Variants in ANAPC1 observed in about 807,000 individuals in gnomAD.
ANAPC1 encodes anaphase-promoting complex subunit 1.
A neutral mutation model predicts 208.0 loss-of-function variants in ANAPC1; 36 were observed. That is an observed-to-expected ratio of 0.17 (90% CI 0.13 to 0.23). The LOEUF is 0.23. Among genes scored for constraint, ANAPC1 ranks in the 10% least tolerant of loss-of-function variants. The probability of loss-of-function intolerance (pLI) is 1.00; values close to 1 mark genes in which losing one functional copy is unlikely to be tolerated. For synonymous variants in ANAPC1, 378 were observed against 695.2 expected (o/e 0.54, Z 7.18); for missense variants, 942 against 2,011.6 (o/e 0.47, Z 10.17).
chr2:111,867,488 C>T (rs1236833282), intron 7 of ANAPC1, among the ~76,000 whole-genome samples: 5 of 151,792 alleles, frequency 3.3e-5, no homozygotes, highest in African/African-American at 1.2e-4. Flanking sequence ...GTCAGGAGTT[C>T]GATACCAGCC....
chr2:111,863,022 TAA>T lies in ANAPC1; in HGVS notation c.1053-426_1053-425del, dbSNP rs11336673. On this transcript the variant is annotated intron_variant, in intron 9 of 47. Transcript: ENST00000341068. ...ATACATTTACATATCAAATAACAAG[TAA>T]AAAAAAAAGAAAAACTAACATAAAT... is the stretch of plus-strand genomic sequence containing the variant. Among the ~76,000 whole-genome samples the T allele has an allele frequency of 2.7e-5, 4 of 149,086 alleles. 1 individual carries two copies. Among genetic ancestry groups the T allele is most frequent in the African/African-American group, 9.9e-5 (4 of 40,250 alleles).
chr2:111,858,906 T>A (rs1017876261), intron 10 of ANAPC1, among the ~76,000 whole-genome samples: 59 of 152,322 alleles, frequency 3.9e-4, no homozygotes, highest in Admixed American at 1.7e-3. Flanking sequence ...AGTTCTTTGA[T>A]TATGAGCTCG....
At chr2:111,823,592 C>T (rs1279743055) in intron 24 of ANAPC1, among the ~76,000 whole-genome samples, 3 of 152,056 alleles carry the variant, frequency 2.0e-5, no homozygotes, top group African/African-American at 7.2e-5. Context: ...ACAAAGTAAT[C>T]TCTATATCAG....
intron 34 of ANAPC1, among the ~76,000 whole-genome samples, chr2:111,799,278 A>G (rs1384670309): frequency 1.3e-5 from 2 of 151,878 alleles, no homozygotes; most frequent in Non-Finnish European, 2.9e-5. Flanking sequence ...CAGCAGCACT[A>G]AAACTTAAAA....
At chr2:111,856,476 T>A in intron 13 of ANAPC1, 138 bp downstream of exon 13, 1 of 860,428 alleles carries the variant, frequency 1.2e-6, no homozygotes, top group South Asian at 1.8e-5. Context: ...CACTGAGAAT[T>A]ATTAACAAAA....
At chr2:111,775,010 G>C (rs1183691604) in intron 46 of ANAPC1, among the ~76,000 whole-genome samples, 1 of 152,204 alleles carries the variant, frequency 6.6e-6, no homozygotes, top group Non-Finnish European at 1.5e-5. Context: ...GCTCATGCCT[G>C]TAATCCCAGC....
intron 5 of ANAPC1, chr2:111,872,919 C>T (rs1359159037): frequency 7.2e-6 from 4 of 554,580 alleles, no homozygotes; most frequent in Non-Finnish European, 1.3e-5. Context: ...AGGAGTTGTT[C>T]AATGTGAAAT....
intron 9 of ANAPC1, among the ~76,000 whole-genome samples, chr2:111,863,023 A>G (rs1573489961): frequency 3.6e-5 from 1 of 27,968 alleles, no homozygotes; most frequent in South Asian, 2.1e-3. Context: ...AATAACAAGT[A>G]AAAAAAAAAG....
At chr2:111,876,791 T>C (rs1213986506) in intron 3 of ANAPC1, among the ~76,000 whole-genome samples, 1 of 152,202 alleles carries the variant, frequency 6.6e-6, no homozygotes, top group Non-Finnish European at 1.5e-5. Flanking sequence ...GAGGAAGCAG[T>C]ATCCAGATAC....
chr2:111,851,903 G>A (rs889179719), intron 13 of ANAPC1, among the ~76,000 whole-genome samples: 4 of 152,026 alleles, frequency 2.6e-5, no homozygotes, highest in East Asian at 1.9e-4. Flanking sequence ...ATTCACATCT[G>A]TACAAGCTGA....
chr2:111,818,938 C>T lies in ANAPC1; in HGVS notation c.3227G>A (p.Arg1076Gln), dbSNP rs1679370090. The change falls in exon 27 of 48, where the codon CGA becomes CAA. Residue 1076 changes from arginine to glutamine, a missense_variant. Arg to Gln is a conservative substitution (Grantham distance 43). Coordinates refer to ENST00000341068, the MANE Select transcript of ANAPC1 (RefSeq NM_022662.4). ...KENRLLQLCQ[R>Q]TMALPVGRGM... is the part of the protein sequence containing the mutation. ...TCGTCCTACAGGAAGAGCCATAGTT[C>T]GCTGACACAATTGGAGCAATCTGTA... The T allele has an allele frequency of 5.6e-6, 9 of 1,609,208 alleles. No homozygotes were observed. The highest frequency in any genetic ancestry group is 6.8e-6 in the Non-Finnish European group (8 of 1,178,228).
chr2:111,872,589 A>T (rs1682812854), intron 6 of ANAPC1, 41 bp downstream of exon 6: 2 of 1,504,352 alleles, frequency 1.3e-6, no homozygotes, highest in African/African-American at 2.8e-5. Context: ...CAAACACACA[A>T]ATCCCAAGCA....
intron 21 of ANAPC1, among the ~76,000 whole-genome samples, chr2:111,831,051 T>C (rs529932288): frequency 2.0e-5 from 3 of 152,272 alleles, no homozygotes; most frequent in South Asian, 2.1e-4. Context: ...TAATTAGCCA[T>C]AGAATGCGAT....
intron 47 of ANAPC1, 57 bp from the exon 48 acceptor site, chr2:111,769,463 T>TC (rs1349239576): frequency 1.5e-6 from 1 of 648,328 alleles, no homozygotes; most frequent in Non-Finnish European, 2.8e-6. Flanking sequence ...GCCATACCTC[T>TC]CCTTTCAAGG....
intron 17 of ANAPC1, among the ~76,000 whole-genome samples, chr2:111,840,822 C>T (rs1680721657): frequency 1.3e-5 from 2 of 152,324 alleles, no homozygotes; most frequent in South Asian, 2.1e-4. Flanking sequence ...GTGGGAGGAT[C>T]ACTTGAGCTC....
chr2:111,838,440 C>T lies in ANAPC1; in HGVS notation c.2113G>A (p.Asp705Asn). Reference sequence around the variant, plus strand: ...TAGCAAGAAATAATAATGCTTACATCATCAGATCCAGTCTCGGAAGGCCTT... The same window carrying T: ...TAGCAAGAAATAATAATGCTTACATTATCAGATCCAGTCTCGGAAGGCCTT... ...KARPSETGSD[D>N]DWEYLLNSDY... is the part of the protein sequence containing the mutation. The change falls in exon 18 of 48, where the codon GAT (aspartate) becomes AAT (asparagine). Residue 705 changes from aspartate to asparagine, a missense_variant and splice_region_variant. Coordinates refer to ENST00000341068, the MANE Select transcript of ANAPC1 (RefSeq NM_022662.4). 6.2e-7 allele frequency: 1 copy of T among 1,600,710 alleles called. No homozygotes were observed. The highest frequency in any genetic ancestry group is 8.5e-7 in the Non-Finnish European group (1 of 1,175,912).
chr2:111,867,383 A>G (rs1682486480), intron 7 of ANAPC1, among the ~76,000 whole-genome samples: 1 of 151,652 alleles, frequency 6.6e-6, no homozygotes, highest in Non-Finnish European at 1.5e-5. Context: ...ACAGTTTGCC[A>G]AGACATAATA....
chr2:111,830,867 T>C (rs1412186148), intron 21 of ANAPC1, among the ~76,000 whole-genome samples: 2 of 152,236 alleles, frequency 1.3e-5, no homozygotes, highest in Non-Finnish European at 2.9e-5. Flanking sequence ...CTTAACTATA[T>C]GACCCATCAA....
rs1681358417 is a variant in ANAPC1 at position 111,850,916 on chromosome 2, A to G, written c.1516-6T>C. ...GGAATAAAAACCTTTCCCACCTTTA[A>G]GCAATAAAAACATGTGGAAAAAAAA... is the stretch of plus-strand genomic sequence containing the variant. On this transcript the variant is annotated splice_region_variant and splice_polypyrimidine_tract_variant and intron_variant, in intron 13 of 47. Coordinates refer to ENST00000341068, the MANE Select transcript of ANAPC1 (RefSeq NM_022662.4). 6.3e-7 allele frequency: 1 copy of G among 1,587,882 alleles called. No individual in the cohort carries two copies. The highest frequency in any genetic ancestry group is 1.2e-5 in the South Asian group (1 of 85,916).
Sources: gnomAD v4.1 joint callset for allele counts (sites outside exome capture counted in the v4.1 genomes callset) on GRCh38, gnomAD v4.1.1 for gene constraint, MANE v1.5 for transcripts, NCBI Gene and HGNC (gene_info 2026-07-23, HGNC 2026-07-21) for gene names.